Variants in CPVL observed in about 807,000 individuals in gnomAD.
The protein encoded by CPVL is probable serine carboxypeptidase CPVL.
A neutral mutation model predicts 63.7 loss-of-function variants in CPVL; 51 were observed. The ratio of observed to expected loss-of-function variants is 0.80; its 90% CI spans 0.64 to 1.01. The LOEUF (loss-of-function observed/expected upper bound fraction) is 1.01. CPVL is among the 50% of genes least tolerant of loss of function. The probability of loss-of-function intolerance (pLI) is 0.00; values close to 1 mark genes in which losing one functional copy is unlikely to be tolerated. For missense variants in CPVL, 530 were observed against 573.1 expected (o/e 0.92, Z 0.77); for synonymous variants, 195 against 206.0 (o/e 0.95, Z 0.46).
At chr7:29,047,855 C>A (rs1379099464) in intron 11 of CPVL, among the ~76,000 whole-genome samples, 1 of 152,152 alleles carries the variant, frequency 6.6e-6, no homozygotes, top group Admixed American at 6.5e-5. Context: ...CAGCAGAAAC[C>A]ACACAAGCTA....
At chr7:29,071,731 G>GT in intron 9 of CPVL, 42 bp downstream of exon 9, 1 of 1,433,266 alleles carries the variant, frequency 7.0e-7, no homozygotes, top group Non-Finnish European at 9.4e-7. Context: ...TCCCCAGATG[G>GT]TTTTAATTGC....
At chr7:29,125,520 G>A (rs1265078218) in intron 1 of CPVL, among the ~76,000 whole-genome samples, 1 of 150,560 alleles carries the variant, frequency 6.6e-6, no homozygotes, top group African/African-American at 2.4e-5. Flanking sequence ...AGCCCCCCAT[G>A]TAGCTGGGAT....
intron 3 of CPVL, among the ~76,000 whole-genome samples, chr7:29,100,744 C>T (rs1303134104): frequency 6.6e-6 from 1 of 152,188 alleles, no homozygotes; most frequent in Non-Finnish European, 1.5e-5. Flanking sequence ...TGACCTTGCT[C>T]CTGATTTACT....
chr7:29,131,749 G>C (rs1461401877), intron 1 of CPVL, among the ~76,000 whole-genome samples: 2 of 152,186 alleles, frequency 1.3e-5, no homozygotes, highest in Non-Finnish European at 2.9e-5. Flanking sequence ...CTGGGCTCAA[G>C]CGATTCACCT....
intron 1 of CPVL, among the ~76,000 whole-genome samples, chr7:29,131,318 T>C (rs1402434129): frequency 2.0e-5 from 3 of 152,220 alleles, no homozygotes; most frequent in African/African-American, 7.2e-5. Flanking sequence ...GAACATTTTA[T>C]ATGAGGATAA....
rs201027082 is a variant in CPVL, at chr7:29,092,703, C to T, written c.463-1G>A. ...CAGTAAAACTGAAGCCTGTGCCCAC[C>T]TGCAGGAGAAATAAACACGCAGGTA... On this transcript the variant is annotated splice_acceptor_variant, in intron 5 of 12. Transcript: ENST00000265394. LOFTEE classifies it high-confidence loss of function. 189 of 1,610,392 alleles carry T rather than the reference C, an allele frequency of 1.2e-4. No homozygotes were observed. The highest frequency in any genetic ancestry group is 1.6e-4 in the Non-Finnish European group (184 of 1,176,674).
chr7:29,113,212 G>A (rs908878989), intron 2 of CPVL, among the ~76,000 whole-genome samples: 3 of 152,054 alleles, frequency 2.0e-5, no homozygotes, highest in Admixed American at 1.3e-4. Context: ...AAACAGTGGG[G>A]TGCAAGAGTA....
chr7:29,170,396 A>G (rs1300486566), intron 5 of CPVL, among the ~76,000 whole-genome samples: 1 of 152,290 alleles, frequency 6.6e-6, no homozygotes, highest in South Asian at 2.1e-4. Flanking sequence ...ACATTGTTCC[A>G]TTTGATGCCA....
At chr7:29,131,744 C>T (rs1790723775) in intron 1 of CPVL, among the ~76,000 whole-genome samples, 1 of 152,192 alleles carries the variant, frequency 6.6e-6, no homozygotes, top group Non-Finnish European at 1.5e-5. Flanking sequence ...AGCTCCTGGG[C>T]TCAAGCGATT....
At position 29,103,180 on chromosome 7, in the gene CPVL, T is replaced by TGGGGGGGGG. The variant is rs10568146; in HGVS notation, c.289-6972_289-6964dup. 8.9e-5 allele frequency among the ~76,000 whole-genome samples: 5 copies of TGGGGGGGGG among 56,152 alleles called. 2 individuals are homozygous for TGGGGGGGGG. The Admixed American group carries it at 1.0e-3, about 12-fold the overall frequency. The allele number at this position is 56,152 out of a possible 152,430, so 36.8% of individuals were successfully genotyped here. On this transcript the variant is annotated intron_variant, in intron 3 of 12. Coordinates refer to ENST00000265394, the MANE Select transcript of CPVL (RefSeq NM_031311.5). Reference sequence around the variant, plus strand: ...TCACTGAAACAGTAAGTTAATATACTGGGGGGGGGGGGGGGGTGCTAAAAA... The same window carrying TGGGGGGGGG: ...TCACTGAAACAGTAAGTTAATATACTGGGGGGGGGGGGGGGGGGGGGGGGGTGCTAAAAA...
intron 11 of CPVL, among the ~76,000 whole-genome samples, chr7:29,035,034 C>A (rs1269985418): frequency 6.6e-6 from 1 of 152,028 alleles, no homozygotes; most frequent in Non-Finnish European, 1.5e-5. Context: ...TTTAAAAACT[C>A]ATTCCAGAAT....
intron 12 of CPVL, among the ~76,000 whole-genome samples, chr7:29,024,139 T>C (rs1237933844): frequency 1.3e-5 from 2 of 151,996 alleles, no homozygotes; most frequent in African/African-American, 2.4e-5. Flanking sequence ...TCAAAGAGAC[T>C]GATACATAAA....
intron 1 of CPVL, among the ~76,000 whole-genome samples, chr7:29,143,700 A>T (rs956060704): frequency 3.3e-5 from 5 of 152,214 alleles, no homozygotes; most frequent in African/African-American, 1.2e-4. Flanking sequence ...AACTAGAATC[A>T]GACTAGAGAG....
intron 3 of CPVL, among the ~76,000 whole-genome samples, chr7:29,104,001 G>A (rs145811650): frequency 2.4e-3 from 368 of 152,268 alleles, no homozygotes; most frequent in African/African-American, 8.6e-3. Flanking sequence ...TAATACTTTA[G>A]CTGCTACACT....
chr7:29,002,043 C>T (rs531080507), intron 12 of CPVL, among the ~76,000 whole-genome samples: 1 of 152,180 alleles, frequency 6.6e-6, no homozygotes, highest in Non-Finnish European at 1.5e-5. Context: ...AGGAAGTGAG[C>T]CTAACATTTT....
Position 29,039,240 on chromosome 7 carries a change from T to G in CPVL, c.1138-8481A>C, listed in dbSNP as rs990999040. 5.3e-5 allele frequency among the ~76,000 whole-genome samples: 8 copies of G among 152,338 alleles called. No individual in the cohort carries two copies. In the South Asian group the frequency reaches 1.7e-3, roughly 32 times the overall value. On this transcript the variant is annotated intron_variant, in intron 11 of 12. Transcript: ENST00000265394. ...ATAAATCAGCAGTTTATTCATGAGT[T>G]TAACTATCTCAGCAAGAAAACCTTC...
intron 11 of CPVL, 25 bp downstream of exon 11, chr7:29,064,036 A>G: frequency 1.9e-6 from 3 of 1,545,296 alleles, no homozygotes; most frequent in Non-Finnish European, 1.8e-6. Context: ...AGTTCCTAAA[A>G]TAGTAACTGA....
At chr7:29,115,216 T>C (rs532906795) in intron 2 of CPVL, among the ~76,000 whole-genome samples, 1 of 152,322 alleles carries the variant, frequency 6.6e-6, no homozygotes, top group African/African-American at 2.4e-5. Flanking sequence ...TTCAGTCAAT[T>C]GGAAGGGAAA....
At chr7:29,095,593 T>TAA (rs530962965) in intron 4 of CPVL, among the ~76,000 whole-genome samples, 3 of 124,482 alleles carry the variant, frequency 2.4e-5, no homozygotes, top group South Asian at 2.6e-4. Flanking sequence ...TAAACAAAAT[T>TAA]AAAAAAAAAA....
Sources: allele counts gnomAD v4.1 joint callset (sites outside exome capture counted in the v4.1 genomes callset), GRCh38; gene constraint gnomAD v4.1.1; transcripts MANE v1.5; gene names NCBI Gene and HGNC (gene_info 2026-07-23, HGNC 2026-07-21).